The following MDC1 variants were observed in gnomAD, a reference collection of about 807,000 sequenced individuals.
MDC1 encodes mediator of DNA damage checkpoint 1, also known as mediator of DNA damage checkpoint protein 1.
Under a neutral mutation model 142.5 loss-of-function variants are expected in MDC1, and 81 were observed. The observed-to-expected ratio is 0.57, with a 90% CI of 0.47 to 0.68. The LOEUF is 0.68. Ranked by LOEUF, MDC1 falls within the 30% of genes least tolerant of loss-of-function variation. The pLI, the probability that MDC1 is intolerant of heterozygous loss-of-function variation, is 0.00. For missense variants in MDC1, 2,119 were observed against 2,547.9 expected, an observed-to-expected ratio of 0.83 and a Z score of 3.62; for synonymous variants, 797 against 968.4, an observed-to-expected ratio of 0.82 and a Z score of 3.29.
rs1481290918 is a variant in MDC1 at position 30,709,333 on chromosome 6, T to A, written c.2222-976A>T. On this transcript the variant is annotated intron_variant, in intron 7 of 14. Coordinates refer to ENST00000376406, the MANE Select transcript of MDC1 (RefSeq NM_014641.3). This position sits in a 1 kb window ranked among gnomAD's most constrained non-coding sequence, Gnocchi z 4.2. ...TGCTTGGCTGGAATTTCCTTCTTTT[T>A]AAAGGCTGAATAGTATTCCACTGTG... Among the ~76,000 whole-genome samples, 1 of 152,250 alleles carries A rather than the reference T, an allele frequency of 6.6e-6. No individual in the cohort carries two copies. Among genetic ancestry groups the A allele is most frequent in the Non-Finnish European group, 1.5e-5 (1 of 68,044 alleles).
rs533162091 is a variant in MDC1, at chr6:30,700,097, A to G, written c.*368T>C. The G allele has an allele frequency of 4.1e-6, 1 of 244,292 alleles. No homozygotes were observed. Among genetic ancestry groups the G allele is most frequent in the African/African-American group, 2.2e-5 (1 of 45,784 alleles). 15.1% of individuals were successfully genotyped at this position (244,292 alleles called of 1,614,324 possible). A position where few individuals can be genotyped will look rare whatever the true frequency, so the allele number is the denominator to read the frequency against. ...AGGTAGGACACCATGAGTGGCATCG[A>G]GCAATAACTGCAACAGTCTGGCTAA... On this transcript the variant is annotated 3_prime_UTR_variant, in exon 15 of 15. Transcript: ENST00000376406.
chr6:30,702,703 G>C (rs147519338), intron 13 of MDC1, 40 bp from the exon 14 acceptor site: 32 of 1,612,314 alleles, frequency 2.0e-5, no homozygotes, highest in Non-Finnish European at 2.5e-5. Context: ...TGTAGATTGG[G>C]AAGCACTGGA....
At chr6:30,700,713 A>G in intron 14 of MDC1, 81 bp from the exon 15 acceptor site, 2 of 1,399,156 alleles carry the variant, frequency 1.4e-6, no homozygotes, top group Non-Finnish European at 2.0e-6. Flanking sequence ...CAGTCTTACC[A>G]TCACTAAAAT....
intron 14 of MDC1, among the ~76,000 whole-genome samples, chr6:30,702,028 C>T (rs927711813): frequency 1.8e-4 from 27 of 151,428 alleles, no homozygotes; most frequent in African/African-American, 5.3e-4. Context: ...TTTGAGAGGC[C>T]GAGGCGGGCA....
Position 30,716,222 on chromosome 6 carries a change from T to A in MDC1, c.-4+1023A>T, listed in dbSNP as rs1197347150. On this transcript the variant is annotated intron_variant, in intron 1 of 14. Coordinates refer to ENST00000376406, the MANE Select transcript of MDC1 (RefSeq NM_014641.3). This position sits in a 1 kb window ranked among gnomAD's most constrained non-coding sequence, Gnocchi z 4.4. ...TTAAGATTCAGTTCAAATGTCACTT[T>A]CTTTCTTTTTTTTTTTTTTGAGATG... 1.3e-5 allele frequency among the ~76,000 whole-genome samples: 2 copies of A among 149,892 alleles called. No individual in the cohort carries two copies. Among genetic ancestry groups the A allele is most frequent in the African/African-American group, 2.5e-5 (1 of 40,006 alleles).
rs116085079 is a variant in MDC1, at chr6:30,703,065, G to A, written c.5865+39C>T. On this transcript the variant is annotated intron_variant, in intron 12 of 14. Coordinates refer to ENST00000376406, the MANE Select transcript of MDC1 (RefSeq NM_014641.3). This position sits in a 1 kb window ranked among gnomAD's most constrained non-coding sequence, Gnocchi z 4.4. ...TCTAGGGCACTATATGAGCAGTCTT[G>A]CCACTATATCGGTCTGTCATCATCC... 25,548 of 1,597,120 alleles carry A rather than the reference G, an allele frequency of 0.016. 371 individuals are homozygous for A. The highest frequency in any genetic ancestry group is 0.06 in the Middle Eastern group (360 of 5,974).
chr6:30,711,434 G>A lies in MDC1; in HGVS notation c.2199C>T (p.Ser733=). The change falls in exon 7 of 15, where the codon TCC becomes TCT. Residue 733 remains serine, a synonymous_variant. Transcript: ENST00000376406. ...MLTPPQELGP[S]HCSFQTTGTL... ...TACCTGTTGTCTGGAAGCTGCAATG[G>A]GAAGGGCCAAGCTCTTGGGGTGGAG... The A allele has an allele frequency of 6.2e-7, 1 of 1,613,108 alleles. No individual in the cohort carries two copies. Among genetic ancestry groups the A allele is most frequent in the Non-Finnish European group, 8.5e-7 (1 of 1,180,010 alleles).
Position 30,705,067 on chromosome 6 carries a change from C to T in MDC1, c.4116G>A (p.Glu1372=), listed in dbSNP as rs1773514709. ...NPESTVPIAP[E]LPPSTSTEQP... ...GCTCTGTGGAGGTGGAAGGTGGGAGCTCAGGGGCTATAGGGACAGTTGATT... is the reference window on the plus strand; with the variant it reads ...GCTCTGTGGAGGTGGAAGGTGGGAGTTCAGGGGCTATAGGGACAGTTGATT... Residue 1372 remains glutamate, a synonymous_variant, in exon 10 of 15, where the codon GAG becomes GAA. Coordinates refer to ENST00000376406, the MANE Select transcript of MDC1 (RefSeq NM_014641.3). The T allele has an allele frequency of 6.2e-7, 1 of 1,612,622 alleles. No individual in the cohort carries two copies. The highest frequency in any genetic ancestry group is 1.3e-5 in the African/African-American group (1 of 74,592).
intron 14 of MDC1, among the ~76,000 whole-genome samples, chr6:30,700,902 C>CAAAAAAAAAAAA (rs9281018): frequency 1.4e-5 from 1 of 70,590 alleles, no homozygotes; most frequent in Non-Finnish European, 2.6e-5. Context: ...ACTAAAAATA[C>CAAAAAAAAAAAA]AAAAAAAAAA....
At chr6:30,710,963 C>T (rs1224070382) in intron 7 of MDC1, among the ~76,000 whole-genome samples, 2 of 152,196 alleles carry the variant, frequency 1.3e-5, no homozygotes, top group Non-Finnish European at 2.9e-5. Flanking sequence ...CTCTGTTGCC[C>T]AGGCCAGTCC....
At position 30,711,681 on chromosome 6, in the gene MDC1, T is replaced by C. The variant is rs1259988910; in HGVS notation, c.2114A>G (p.Asn705Ser). ...DLQATQCFLENQGLEAVQSME... is the reference protein window; with the variant it reads ...DLQATQCFLESQGLEAVQSME... Reference sequence around the variant, plus strand: ...GAAGTCCTCACCTTCCAGGCCCTGATTCTCCAGAAAGCACTGGGTAGCTTG... The same window carrying C: ...GAAGTCCTCACCTTCCAGGCCCTGACTCTCCAGAAAGCACTGGGTAGCTTG... Residue 705 changes from asparagine to serine, a missense_variant, in exon 6 of 15, where the codon AAT (asparagine) becomes AGT (serine). Coordinates refer to ENST00000376406, the MANE Select transcript of MDC1 (RefSeq NM_014641.3). 1 of 1,612,930 alleles carries C rather than the reference T, an allele frequency of 6.2e-7. No homozygotes were observed. The highest frequency in any genetic ancestry group is 1.3e-5 in the African/African-American group (1 of 74,920).
chr6:30,701,948 T>A (rs1462670523), intron 14 of MDC1, among the ~76,000 whole-genome samples: 1 of 151,612 alleles, frequency 6.6e-6, no homozygotes, highest in Non-Finnish European at 1.5e-5. Context: ...TAAAAAGAAA[T>A]GAAATACTTC....
chr6:30,702,549 A>C lies in MDC1; in HGVS notation c.6102+4T>G. 1 of 1,560,680 alleles carries C rather than the reference A, an allele frequency of 6.4e-7. No homozygotes were observed. The highest frequency in any genetic ancestry group is 8.6e-7 in the Non-Finnish European group (1 of 1,156,540). On this transcript the variant is annotated splice_donor_region_variant and intron_variant, in intron 14 of 14. Coordinates refer to ENST00000376406, the MANE Select transcript of MDC1 (RefSeq NM_014641.3). Reference sequence around the variant, plus strand: ...CACCCAGACCCAGAACATCCTAAGCATACCTTATAGGACCGAGGCATGCTG... The same window carrying C: ...CACCCAGACCCAGAACATCCTAAGCCTACCTTATAGGACCGAGGCATGCTG...
rs1004443333 is a variant in MDC1 at position 30,700,645 on chromosome 6, G to A, written c.6103-13C>T. Reference sequence around the variant, plus strand: ...CAACTCTCTGAGGCTGGGGAAGACAGAGCAAAGGCAAAATCAGGTGAAAAA... The same window carrying A: ...CAACTCTCTGAGGCTGGGGAAGACAAAGCAAAGGCAAAATCAGGTGAAAAA... On this transcript the variant is annotated splice_polypyrimidine_tract_variant and intron_variant, in intron 14 of 14. Transcript: ENST00000376406. 3.1e-6 allele frequency: 5 copies of A among 1,612,212 alleles called. No homozygotes were observed. In the Admixed American group the frequency reaches 6.7e-5, roughly 21 times the overall value.
Position 30,700,398 on chromosome 6 carries a change from G to A in MDC1, c.*67C>T, listed in dbSNP as rs915265922. On this transcript the variant is annotated 3_prime_UTR_variant, in exon 15 of 15. Transcript: ENST00000376406. The stretch of plus-strand genomic sequence containing the variant: ...TCAATATACCCCAATCCTTTCTAAC[G>A]CCCTGAGTTCTTTCTTCCACATATC... 3 of 1,526,732 alleles carry A rather than the reference G, an allele frequency of 2.0e-6. No individual in the cohort carries two copies. The highest frequency in any genetic ancestry group is 3.7e-5 in the Admixed American group (2 of 54,392). 94.6% of individuals were successfully genotyped at this position (1,526,732 alleles called of 1,614,324 possible).
chr6:30,708,353 G>T lies in MDC1; in HGVS notation c.2226C>A (p.Thr742=). 1 of 1,607,998 alleles carries T rather than the reference G, an allele frequency of 6.2e-7. No individual in the cohort carries two copies. ...PSHCSFQTTG[T]LDEPWEVLAT... ...CCAGGACCTCCCATGGTTCATCTAG[G>T]GTACCTGGAAGGGGAGGAAGGAAGA... Residue 742 remains threonine (T), a synonymous_variant, in exon 8 of 15, where the codon ACC becomes ACA. Coordinates refer to ENST00000376406, the MANE Select transcript of MDC1 (RefSeq NM_014641.3).
chr6:30,708,167 G>A lies in MDC1; in HGVS notation c.2412C>T (p.Gly804=). 6.2e-7 allele frequency: 1 copy of A among 1,613,120 alleles called. No individual in the cohort carries two copies. The highest frequency in any genetic ancestry group is 8.5e-7 in the Non-Finnish European group (1 of 1,180,030). The change falls in exon 8 of 15, where the codon GGC becomes GGT. Residue 804 remains glycine (G), a synonymous_variant. Transcript: ENST00000376406. ...PVHTEPMGIQ[G]RGRQTVDKVM... is the part of the protein sequence containing the mutation. ...CTTTATCCACAGTCTGCCTCCCTCTGCCTTGAATCCCCATTGGCTCTGTGT... is the reference window on the plus strand; with the variant it reads ...CTTTATCCACAGTCTGCCTCCCTCTACCTTGAATCCCCATTGGCTCTGTGT...
chr6:30,703,668 T>C lies in MDC1; in HGVS notation c.5515A>G (p.Ile1839Val), dbSNP rs779501773. The change falls in exon 10 of 15, where the codon ATC (isoleucine) becomes GTC (valine). Residue 1839 changes from isoleucine (I) to valine (V), a missense_variant. Coordinates refer to ENST00000376406, the MANE Select transcript of MDC1 (RefSeq NM_014641.3). This position sits in a 1 kb window ranked among gnomAD's most constrained non-coding sequence, Gnocchi z 4.4. The stretch of plus-strand genomic sequence containing the variant: ...GCAGTATCTTCTTCCTCTTCCTTGA[T>C]AATCACTGTCTTCTGGGAGACTTCC... ...RGEVSQKTVI[I>V]KEEEEDTAEK... 3 of 1,555,232 alleles carry C rather than the reference T, an allele frequency of 1.9e-6. No individual in the cohort carries two copies. The highest frequency in any genetic ancestry group is 2.6e-6 in the Non-Finnish European group (3 of 1,155,026).
Position 30,714,171 on chromosome 6 carries a change from T to A in MDC1, c.149A>T (p.His50Leu). 6.2e-7 allele frequency: 1 copy of A among 1,607,674 alleles called. No homozygotes were observed. Among genetic ancestry groups the A allele is most frequent in the Non-Finnish European group, 8.5e-7 (1 of 1,179,320 alleles). The stretch of plus-strand genomic sequence containing the variant: ...TCGGCCTACCACATTCTTCCCGAGG[T>A]GTAGTGGGAAATCTAAGAATTAGAG... The part of the protein sequence containing the change: ...AHGPEKDFPL[H>L]LGKNVVGRMP... Residue 50 changes from histidine to leucine, a missense_variant, in exon 3 of 15, where the codon CAC becomes CTC. His to Leu is a moderately conservative substitution (Grantham distance 99, BLOSUM62 -3). Coordinates refer to ENST00000376406, the MANE Select transcript of MDC1 (RefSeq NM_014641.3).
Sources: gnomAD v4.1 joint callset for allele counts (sites outside exome capture counted in the v4.1 genomes callset) on GRCh38, gnomAD v4.1.1 for gene constraint, Gnocchi (gnomAD v3.1) non-coding constraint, MANE v1.5 for transcripts, NCBI Gene and HGNC (gene_info 2026-07-23, HGNC 2026-07-21) for gene names.